Variants in HSPA12B observed in about 807,000 individuals in gnomAD.
HSPA12B encodes heat shock 70 kDa protein 12B.
Under a neutral mutation model 69.3 loss-of-function variants are expected in HSPA12B, and 54 were observed. That is an observed-to-expected ratio of 0.78 (90% CI 0.63 to 0.98). The LOEUF is 0.98. Among genes scored for constraint, HSPA12B ranks in the 50% least tolerant of loss-of-function variants. The pLI is 0.00. For missense variants in HSPA12B, 929 were observed against 999.8 expected (o/e 0.93, Z 0.96); for synonymous variants, 441 against 436.5 (o/e 1.01, Z -0.13).
chr20:3,749,100 A>C lies in HSPA12B; in HGVS notation c.851-132A>C. On this transcript the variant is annotated intron_variant, in intron 8 of 12. Transcript: ENST00000254963. This position sits in a 1 kb window ranked among gnomAD's most constrained non-coding sequence, Gnocchi z 5.5. Reference sequence around the variant, plus strand: ...TCAGGATTGCCCTCTCCCAGTCAGGAGCAGGTTGGAGTTTCAGGAGCACTG... The same window carrying C: ...TCAGGATTGCCCTCTCCCAGTCAGGCGCAGGTTGGAGTTTCAGGAGCACTG... 1 of 698,656 alleles carries C rather than the reference A, an allele frequency of 1.4e-6. No homozygotes were observed. Among genetic ancestry groups the C allele is most frequent in the Non-Finnish European group, 2.5e-6 (1 of 407,928 alleles). 43.3% of individuals were successfully genotyped at this position (698,656 alleles called of 1,614,324 possible).
chr20:3,749,381 G>T lies in HSPA12B; in HGVS notation c.937+63G>T. On this transcript the variant is annotated intron_variant, in intron 9 of 12. Coordinates refer to ENST00000254963, the MANE Select transcript of HSPA12B (RefSeq NM_052970.5). The surrounding 1 kb of genome is among the most constrained non-coding windows in gnomAD (Gnocchi z 5.5). ...CTACCGGGCACCATATACTGATGGG[G>T]GGAAGGGCATGTTTGCAAAGCCCGT... 3 of 1,422,960 alleles carry T rather than the reference G, an allele frequency of 2.1e-6. No homozygotes were observed. Among genetic ancestry groups the T allele is most frequent in the Non-Finnish European group, 2.9e-6 (3 of 1,021,302 alleles). 88.1% of individuals were successfully genotyped at this position (1,422,960 alleles called of 1,614,324 possible).
chr20:3,749,136 G>A lies in HSPA12B; in HGVS notation c.851-96G>A. On this transcript the variant is annotated intron_variant, in intron 8 of 12. Transcript: ENST00000254963. The surrounding 1 kb of genome is among the most constrained non-coding windows in gnomAD (Gnocchi z 5.5). ...GTTTCAGGAGCACTGGCTGCTCCCA[G>A]TGCCCATGGAGGTCCTGGGCAGGAG... 1.9e-6 allele frequency: 2 copies of A among 1,058,762 alleles called. No individual in the cohort carries two copies. Among genetic ancestry groups the A allele is most frequent in the Non-Finnish European group, 2.8e-6 (2 of 718,362 alleles). The allele number at this position is 1,058,762 out of a possible 1,614,324, so 65.6% of individuals were successfully genotyped here. A position where few individuals can be genotyped will look rare whatever the true frequency, so the allele number is the denominator to read the frequency against.
chr20:3,735,452 G>A (rs1031233476), intron 1 of HSPA12B, among the ~76,000 whole-genome samples: 11 of 113,804 alleles, frequency 9.7e-5, no homozygotes, highest in Admixed American at 2.8e-4. Context: ...AGTGTAGAGC[G>A]AGGACTCAGT....
At chr20:3,734,160 C>T (rs576555487) in intron 1 of HSPA12B, among the ~76,000 whole-genome samples, 1 of 152,244 alleles carries the variant, frequency 6.6e-6, no homozygotes, top group Admixed American at 6.5e-5. Context: ...AGAGCAAGAC[C>T]CTGTCTCAAA....
intron 4 of HSPA12B, among the ~76,000 whole-genome samples, chr20:3,743,366 A>T (rs965298309): frequency 3.7e-5 from 5 of 133,622 alleles, no homozygotes; most frequent in South Asian, 2.3e-4. Flanking sequence ...AAAAAAAAAA[A>T]ATTTTTTTTT....
At position 3,740,158 on chromosome 20, in the gene HSPA12B, GT is replaced by G. The variant is rs1022082464; in HGVS notation, c.44-656del. ...GCTCAGGGTGTGTGTATGTGTGTGT[GT>G]GGGGGGTGGGAATCAGACTTCCTAA... On this transcript the variant is annotated intron_variant, in intron 2 of 12. Transcript: ENST00000254963. The surrounding 1 kb of genome is among the most constrained non-coding windows in gnomAD (Gnocchi z 4.9). Among the ~76,000 whole-genome samples, 8 of 151,600 alleles carry G rather than the reference GT, an allele frequency of 5.3e-5. No homozygotes were observed. The highest frequency in any genetic ancestry group is 2.1e-4 in the South Asian group (1 of 4,816).
At chr20:3,750,507 C>T (rs1223682510) in intron 11 of HSPA12B, among the ~76,000 whole-genome samples, 1 of 152,126 alleles carries the variant, frequency 6.6e-6, no homozygotes, top group Non-Finnish European at 1.5e-5. Context: ...TCTACACCCC[C>T]ACCCCGGGCC....
In HSPA12B at chr20:3,750,020, G is replaced by A. The variant is rs1344209983; in HGVS notation, c.1094G>A (p.Cys365Tyr). 1.3e-6 allele frequency: 2 copies of A among 1,595,470 alleles called. No homozygotes were observed. Among genetic ancestry groups the A allele is most frequent in the Admixed American group, 3.5e-5 (2 of 57,764 alleles). The change falls in exon 11 of 13, where the codon TGC becomes TAC. Residue 365 changes from cysteine to tyrosine, a missense_variant. Cys to Tyr is a radical substitution (Grantham distance 194). This residue lies in a region of HSPA12B where 477 missense variants were observed against 535.2 expected (regional missense o/e 0.89). Transcript: ENST00000254963. ...GACCTGGCCTTCGAGCAGCTGCTGT[G>A]CCGCATCTTCGGCGAGGACTTCATC... is the stretch of plus-strand genomic sequence containing the variant. ...GVDLAFEQLL[C>Y]RIFGEDFIAT...
At chr20:3,733,290 C>A (rs2088058509) in intron 1 of HSPA12B, among the ~76,000 whole-genome samples, 1 of 152,058 alleles carries the variant, frequency 6.6e-6, no homozygotes. Context: ...AGCTTGAGGT[C>A]CAGGTGGGGT....
chr20:3,746,115 G>GA, intron 7 of HSPA12B, 84 bp downstream of exon 7: 1 of 921,558 alleles, frequency 1.1e-6, no homozygotes, highest in Non-Finnish European at 1.7e-6. Flanking sequence ...CACCACCCTT[G>GA]AGACCACAGA....
At chr20:3,748,093 C>T in intron 7 of HSPA12B, 124 bp from the exon 8 acceptor site, 1 of 881,528 alleles carries the variant, frequency 1.1e-6, no homozygotes, top group Non-Finnish European at 1.7e-6. Context: ...AGAGGCCTAA[C>T]ATGGGTGGGG....
chr20:3,739,615 A>T (rs1406340391), intron 2 of HSPA12B, among the ~76,000 whole-genome samples: 1 of 152,092 alleles, frequency 6.6e-6, no homozygotes, highest in African/African-American at 2.4e-5. Context: ...GAGGAGAGGG[A>T]GCCCTTGAAA....
chr20:3,748,077 G>A (rs992185183), intron 7 of HSPA12B, 140 bp from the exon 8 acceptor site: 32 of 746,246 alleles, frequency 4.3e-5, no homozygotes, highest in Middle Eastern at 2.7e-4. Context: ...AGCACAGAGG[G>A]GCCTGAGAGG....
chr20:3,742,209 G>C, intron 3 of HSPA12B, 75 bp from the exon 4 acceptor site: 1 of 1,573,436 alleles, frequency 6.4e-7, no homozygotes, highest in Non-Finnish European at 8.7e-7. Flanking sequence ...TCCCCATGCA[G>C]AGGAAGCATT....
chr20:3,742,099 G>C (rs1363785348), intron 3 of HSPA12B, among the ~76,000 whole-genome samples, 185 bp from the exon 4 acceptor site: 7 of 152,066 alleles, frequency 4.6e-5, no homozygotes, highest in Admixed American at 3.9e-4. Flanking sequence ...CCAAGGCTCA[G>C]CCTGGAGCCT....
chr20:3,747,150 G>T, intron 7 of HSPA12B, among the ~76,000 whole-genome samples: 1 of 152,126 alleles, frequency 6.6e-6, no homozygotes, highest in East Asian at 1.9e-4. Context: ...AGACAGAGAG[G>T]GCATAGCCTC....
intron 8 of HSPA12B, among the ~76,000 whole-genome samples, chr20:3,748,911 AG>A (rs2088357890): frequency 6.6e-6 from 1 of 152,134 alleles, no homozygotes; most frequent in African/African-American, 2.4e-5. Flanking sequence ...AGAAGCCCTA[AG>A]TCCTGAGTCC....
rs2088369413 is a variant in HSPA12B, at chr20:3,749,486, C to A, written c.937+168C>A. On this transcript the variant is annotated intron_variant, in intron 9 of 12. Coordinates refer to ENST00000254963, the MANE Select transcript of HSPA12B (RefSeq NM_052970.5). This position sits in a 1 kb window ranked among gnomAD's most constrained non-coding sequence, Gnocchi z 5.5. ...CACCCCCACCCCACTCACAGCGGCG[C>A]CCCTAACTCCCACTCCTCCAGGGGA... Among the ~76,000 whole-genome samples, 1 of 152,216 alleles carries A rather than the reference C, an allele frequency of 6.6e-6. No individual in the cohort carries two copies. The highest frequency in any genetic ancestry group is 2.1e-4 in the South Asian group (1 of 4,830).
chr20:3,750,160 T>C lies in HSPA12B; in HGVS notation c.1234T>C (p.Phe412Leu). 1 of 1,611,492 alleles carries C rather than the reference T, an allele frequency of 6.2e-7. No individual in the cohort carries two copies. The change falls in exon 11 of 13, where the codon TTC (phenylalanine) becomes CTC (leucine). Residue 412 changes from phenylalanine to leucine, a missense_variant. By Grantham distance (22) the Phe-to-Leu change is conservative (BLOSUM62 0). Transcript: ENST00000254963. Reference sequence around the variant, plus strand: ...AGGGGCGCTCAACATCTCGCTGCCCTTCTCCTTCATTGACTTCTACCGCAA... The same window carrying C: ...AGGGGCGCTCAACATCTCGCTGCCCCTCTCCTTCATTGACTTCTACCGCAA... The part of the protein sequence containing the change: ...RAGALNISLP[F>L]SFIDFYRKQR...
Sources: gnomAD v4.1 joint callset for allele counts (sites outside exome capture counted in the v4.1 genomes callset) on GRCh38, gnomAD v4.1.1 for gene constraint, gnomAD v4.1.1 regional missense constraint, Gnocchi (gnomAD v3.1) non-coding constraint, MANE v1.5 for transcripts, NCBI Gene and HGNC (gene_info 2026-07-23, HGNC 2026-07-21) for gene names.